The following D2HGDH variants were observed in gnomAD, a reference collection of about 807,000 sequenced individuals.
The protein encoded by D2HGDH is D-2-hydroxyglutarate dehydrogenase.
D2HGDH carries 31 observed loss-of-function variants against 46.9 expected under a neutral mutation model. The ratio of observed to expected loss-of-function variants is 0.66; its 90% CI spans 0.50 to 0.89. D2HGDH has a LOEUF of 0.89. Ranked by LOEUF, D2HGDH falls within the 40% of genes least tolerant of loss-of-function variation. D2HGDH has a pLI of 0.00. For synonymous variants in D2HGDH, 364 were observed against 332.6 expected, an observed-to-expected ratio of 1.09 and a Z score of -1.03; for missense variants, 698 against 720.8, an observed-to-expected ratio of 0.97 and a Z score of 0.36.
Position 241,738,062 on chromosome 2 carries a change from A to G in D2HGDH, c.292+2546A>G, listed in dbSNP as rs1451864734. On this transcript the variant is annotated intron_variant, in intron 2 of 9. Coordinates refer to ENST00000321264, the MANE Select transcript of D2HGDH (RefSeq NM_152783.5). ...CTGGGGTCTAGGCTCAGATAATGGA[A>G]GCAGCTCTTTCCCTGCAGAAAGGCT... 2.6e-5 allele frequency among the ~76,000 whole-genome samples: 4 copies of G among 152,244 alleles called. No homozygotes were observed. In the South Asian group the frequency reaches 8.3e-4, roughly 32 times the overall value.
chr2:241,740,060 G>A (rs183225524), intron 2 of D2HGDH, among the ~76,000 whole-genome samples: 343 of 152,298 alleles, frequency 2.3e-3, no homozygotes, highest in African/African-American at 7.8e-3. Context: ...CAGGAGGATC[G>A]CTTGAGCTCA....
chr2:241,740,934 C>T (rs767725641), intron 2 of D2HGDH, 99 bp from the exon 3 acceptor site: 101 of 922,364 alleles, frequency 1.1e-4, no homozygotes, highest in Non-Finnish European at 1.4e-4. Context: ...AGTGAGAGTC[C>T]GTCTCCAAAA....
intron 2 of D2HGDH, among the ~76,000 whole-genome samples, chr2:241,739,251 T>C (rs1300155026): frequency 6.6e-6 from 1 of 152,184 alleles, no homozygotes; most frequent in African/African-American, 2.4e-5. Flanking sequence ...CGGCCTGGCC[T>C]GCATTCTTGG....
At chr2:241,753,158 G>T (rs780907018) in intron 8 of D2HGDH, among the ~76,000 whole-genome samples, 1 of 152,224 alleles carries the variant, frequency 6.6e-6, no homozygotes, top group Admixed American at 6.5e-5. Context: ...CTGTCACCTC[G>T]TTCTGGCTCA....
intron 5 of D2HGDH, among the ~76,000 whole-genome samples, chr2:241,744,500 G>T (rs1259588694): frequency 6.6e-6 from 1 of 152,208 alleles, no homozygotes; most frequent in Non-Finnish European, 1.5e-5. Flanking sequence ...TACTCCCAGG[G>T]AGCCTCCCCA....
rs1339216079 is a variant in D2HGDH, at chr2:241,743,727, A to G, written c.596A>G (p.His199Arg). 6.2e-7 allele frequency: 1 copy of G among 1,613,656 alleles called. No individual in the cohort carries two copies. Among genetic ancestry groups the G allele is most frequent in the Non-Finnish European group, 8.5e-7 (1 of 1,179,886 alleles). Residue 199 changes from histidine to arginine, a missense_variant, in exon 5 of 10, where the codon CAC becomes CGC. By Grantham distance (29) the His-to-Arg change is conservative (BLOSUM62 0). Coordinates refer to ENST00000321264, the MANE Select transcript of D2HGDH (RefSeq NM_152783.5). This position sits in a 1 kb window ranked among gnomAD's most constrained non-coding sequence, Gnocchi z 4.8. ...PLDLGAKGSC[H>R]IGGNVATNAG... ...GACTTAGGAGCCAAGGGCAGCTGCC[A>G]CATCGGGGGAAACGTGGCAACCAAC...
At chr2:241,750,500 G>A (rs1170091770) in intron 7 of D2HGDH, among the ~76,000 whole-genome samples, 1 of 152,236 alleles carries the variant, frequency 6.6e-6, no homozygotes, top group Non-Finnish European at 1.5e-5. Context: ...GGCTGCCCTG[G>A]TCCTGTGTAA....
chr2:241,748,503 G>A (rs1696460953), intron 6 of D2HGDH, among the ~76,000 whole-genome samples: 1 of 152,216 alleles, frequency 6.6e-6, no homozygotes. Context: ...CTAGCCCATT[G>A]CTGCTGGGTG....
In D2HGDH at chr2:241,735,295, G is replaced by T; in HGVS notation, c.71G>T (p.Trp24Leu). 1 of 1,527,540 alleles carries T rather than the reference G, an allele frequency of 6.5e-7. No homozygotes were observed. Among genetic ancestry groups the T allele is most frequent in the South Asian group, 1.2e-5 (1 of 83,066 alleles). 94.6% of individuals were successfully genotyped at this position (1,527,540 alleles called of 1,614,324 possible). Reference protein sequence around the residue: ...LRGAPGAAGSWGRPVGPLARR... With the variant: ...LRGAPGAAGSLGRPVGPLARR... ...GGTGCTCCGGGAGCCGCGGGTTCTTGGGGTCGGCCGGTTGGCCCCCTGGCC... is the reference window on the plus strand; with the variant it reads ...GGTGCTCCGGGAGCCGCGGGTTCTTTGGGTCGGCCGGTTGGCCCCCTGGCC... Residue 24 changes from tryptophan (W) to leucine (L), a missense_variant, in exon 2 of 10, where the codon TGG (tryptophan) becomes TTG (leucine). By Grantham distance (61) the Trp-to-Leu change is moderately conservative. Transcript: ENST00000321264.
In D2HGDH at chr2:241,767,699, T is replaced by C. The variant is rs1200345145; in HGVS notation, c.1307-11T>C. The C allele has an allele frequency of 4.3e-6, 7 of 1,612,574 alleles. No individual in the cohort carries two copies. Among genetic ancestry groups the C allele is most frequent in the Non-Finnish European group, 5.9e-6 (7 of 1,179,474 alleles). ...CTGCCCAGCCTGACCCATGTGCCCTTGTCCCTCCAGGAGATGGTAACCTGC... is the reference window on the plus strand; with the variant it reads ...CTGCCCAGCCTGACCCATGTGCCCTCGTCCCTCCAGGAGATGGTAACCTGC... On this transcript the variant is annotated splice_polypyrimidine_tract_variant and intron_variant, in intron 9 of 9. Coordinates refer to ENST00000321264, the MANE Select transcript of D2HGDH (RefSeq NM_152783.5).
intron 8 of D2HGDH, among the ~76,000 whole-genome samples, chr2:241,754,368 G>T (rs953771580): frequency 2.0e-5 from 3 of 152,160 alleles, no homozygotes; most frequent in African/African-American, 7.2e-5. Context: ...AAAGGGGCCG[G>T]GCACGGTGGC....
rs748918504 is a variant in D2HGDH, at chr2:241,755,563, T to G, written c.1141-286T>G. On this transcript the variant is annotated intron_variant, in intron 8 of 9. Coordinates refer to ENST00000321264, the MANE Select transcript of D2HGDH (RefSeq NM_152783.5). ...ATTGCCGGAGTCCCAGGGTGCTCGG[T>G]GCTGTCGTGGAGCCTGGGACATTCA... 4.2e-6 allele frequency: 6 copies of G among 1,435,984 alleles called. No individual in the cohort carries two copies. The African/African-American group carries it at 7.1e-5, about 17-fold the overall frequency. 89.0% of individuals were successfully genotyped at this position (1,435,984 alleles called of 1,614,324 possible). A position where few individuals can be genotyped will look rare whatever the true frequency, so the allele number is the denominator to read the frequency against.
Position 241,743,476 on chromosome 2 carries a change from T to G in D2HGDH, c.491-146T>G, listed in dbSNP as rs1043557570. ...GATGTTTTCGTCCTTGGGCCAGCGATGTGGGGGTGCCTCTTCTCCTCAGCC... is the reference window on the plus strand; with the variant it reads ...GATGTTTTCGTCCTTGGGCCAGCGAGGTGGGGGTGCCTCTTCTCCTCAGCC... On this transcript the variant is annotated intron_variant, in intron 4 of 9. Transcript: ENST00000321264. The surrounding 1 kb of genome is among the most constrained non-coding windows in gnomAD (Gnocchi z 4.8). The G allele has an allele frequency of 4.8e-6, 4 of 828,244 alleles. No homozygotes were observed. The highest frequency in any genetic ancestry group is 7.8e-6 in the Non-Finnish European group (4 of 515,722). 51.3% of individuals were successfully genotyped at this position (828,244 alleles called of 1,614,324 possible).
chr2:241,755,312 C>G (rs768069536), intron 8 of D2HGDH: 17 of 1,303,522 alleles, frequency 1.3e-5, no homozygotes, highest in Non-Finnish European at 1.7e-5. Context: ...CCGACATGCC[C>G]CTTGAGCTGC....
chr2:241,749,249 A>G (rs1371308325), intron 6 of D2HGDH: 2 of 1,218,966 alleles, frequency 1.6e-6, no homozygotes, highest in Non-Finnish European at 2.1e-6. Flanking sequence ...ACACCCCGAC[A>G]TGGTGCTCGG....
Position 241,735,221 on chromosome 2 carries a change from G to T in D2HGDH, c.-4G>T. ...AGGAGCCCGAGGTCTCCGTCCCGGCGGCGATGCTGCCCCGTCGGCCTCTGG... is the reference window on the plus strand; with the variant it reads ...AGGAGCCCGAGGTCTCCGTCCCGGCTGCGATGCTGCCCCGTCGGCCTCTGG... On this transcript the variant is annotated 5_prime_UTR_variant, in exon 2 of 10. Transcript: ENST00000321264. 6.6e-7 allele frequency: 1 copy of T among 1,507,996 alleles called. No homozygotes were observed. The highest frequency in any genetic ancestry group is 8.8e-7 in the Non-Finnish European group (1 of 1,136,708). The allele number at this position is 1,507,996 out of a possible 1,614,324, so 93.4% of individuals were successfully genotyped here.
intron 2 of D2HGDH, among the ~76,000 whole-genome samples, chr2:241,738,596 C>G (rs1371102507): frequency 1.3e-5 from 2 of 152,246 alleles, no homozygotes; most frequent in Admixed American, 6.5e-5. Context: ...TGACCACGCT[C>G]TTCCTCTCCT....
rs1022313673 is a variant in D2HGDH, at chr2:241,768,024, C to A, written c.*55C>A. On this transcript the variant is annotated 3_prime_UTR_variant, in exon 10 of 10. Coordinates refer to ENST00000321264, the MANE Select transcript of D2HGDH (RefSeq NM_152783.5). ...TGGGGGTCGGCGGGTGGCTCTCGGG[C>A]GGGGGTGTTGCGGTGGCTCTGAGGG... 2.0e-6 allele frequency: 3 copies of A among 1,527,182 alleles called. No individual in the cohort carries two copies. In the South Asian group the frequency reaches 3.6e-5, roughly 18 times the overall value. 94.6% of individuals were successfully genotyped at this position (1,527,182 alleles called of 1,614,324 possible). A position where few individuals can be genotyped will look rare whatever the true frequency, so the allele number is the denominator to read the frequency against.
chr2:241,763,562 G>T (rs566569778), intron 9 of D2HGDH, among the ~76,000 whole-genome samples: 2 of 152,166 alleles, frequency 1.3e-5, no homozygotes, highest in Non-Finnish European at 2.9e-5. Context: ...CTTTATAAAT[G>T]CTGCACACTG....
Sources: allele counts gnomAD v4.1 joint callset (sites outside exome capture counted in the v4.1 genomes callset), GRCh38; gene constraint gnomAD v4.1.1; non-coding constraint Gnocchi (gnomAD v3.1); transcripts MANE v1.5; gene names NCBI Gene and HGNC (gene_info 2026-07-23, HGNC 2026-07-21).